The following PTTG1IP2 variants were observed in gnomAD, a reference collection of about 807,000 sequenced individuals.
PTTG1IP2 encodes the protein PTTG1IP family member 2.
chr7:90,497,715 T>TAAA (rs1261744146), intron 6 of PTTG1IP2, among the ~76,000 whole-genome samples: 35 of 56,228 alleles, frequency 6.2e-4, no homozygotes, highest in African/African-American at 7.8e-4. Flanking sequence ...AGACCCTGTA[T>TAAA]AAAAAAAAAA....
chr7:90,498,623 C>T (rs1798024978), intron 6 of PTTG1IP2, among the ~76,000 whole-genome samples: 3 of 152,146 alleles, frequency 2.0e-5, no homozygotes, highest in African/African-American at 7.2e-5. Context: ...ATTGTGAAAG[C>T]CTTTTTTACA....
intron 1 of PTTG1IP2, among the ~76,000 whole-genome samples, chr7:90,473,424 C>G (rs1472164600): frequency 6.6e-6 from 1 of 152,154 alleles, no homozygotes; most frequent in Non-Finnish European, 1.5e-5. Context: ...CAGTCACACC[C>G]TAGTGCCAGG....
At chr7:90,501,003 C>A (rs1292341550) in intron 6 of PTTG1IP2, among the ~76,000 whole-genome samples, 3 of 152,258 alleles carry the variant, frequency 2.0e-5, no homozygotes, top group East Asian at 1.9e-4. Context: ...TTTCTTTAGA[C>A]CCTAAGTAAA....
intron 2 of PTTG1IP2, among the ~76,000 whole-genome samples, chr7:90,480,848 A>G (rs932906103): frequency 7.9e-5 from 12 of 152,024 alleles, no homozygotes; most frequent in African/African-American, 7.2e-5. Flanking sequence ...AGATTGTCCT[A>G]TTTGGTTTCT....
In PTTG1IP2 at chr7:90,474,357, G is replaced by C. The variant is rs376162754; in HGVS notation, c.145+4426G>C. Reference sequence around the variant, plus strand: ...AGTTATAGAGATATATATTATGACAGTGCTGGAAAACAACATGAGAGCCAG... The same window carrying C: ...AGTTATAGAGATATATATTATGACACTGCTGGAAAACAACATGAGAGCCAG... On this transcript the variant is annotated intron_variant, in intron 1 of 6. Transcript: ENST00000509356. 7.2e-5 allele frequency among the ~76,000 whole-genome samples: 11 copies of C among 152,316 alleles called. No individual in the cohort carries two copies. In the East Asian group the frequency reaches 1.5e-3, roughly 21 times the overall value.
Position 90,497,371 on chromosome 7 carries a change from T to C in PTTG1IP2, c.*50+2941T>C, listed in dbSNP as rs569978440. ...CGAGGTCAGGAGATCGAGACCATCC[T>C]GGCTAACATGGTGAAACCCCGTCTC... On this transcript the variant is annotated intron_variant, in intron 6 of 6. Coordinates refer to ENST00000509356, the MANE Select transcript of PTTG1IP2 (RefSeq NM_001365443.2). Among the ~76,000 whole-genome samples, 35 of 152,196 alleles carry C rather than the reference T, an allele frequency of 2.3e-4. No individual in the cohort carries two copies. The East Asian group carries it at 5.6e-3, about 24-fold the overall frequency.
chr7:90,507,982 G>T (rs182694952), intron 6 of PTTG1IP2, among the ~76,000 whole-genome samples: 101 of 152,140 alleles, frequency 6.6e-4, no homozygotes, highest in Non-Finnish European at 1.1e-3. Flanking sequence ...ATCAGACTGG[G>T]CACAATAGCT....
At chr7:90,508,751 C>T (rs1798153593) in intron 6 of PTTG1IP2, among the ~76,000 whole-genome samples, 1 of 152,152 alleles carries the variant, frequency 6.6e-6, no homozygotes, top group Non-Finnish European at 1.5e-5. Flanking sequence ...GGAAACTAAG[C>T]CTTTATATTG....
chr7:90,492,923 C>T (rs1797954760), intron 5 of PTTG1IP2, among the ~76,000 whole-genome samples: 1 of 152,066 alleles, frequency 6.6e-6, no homozygotes, highest in South Asian at 2.1e-4. Context: ...TTCCCTTATC[C>T]AGGACTCAAA....
chr7:90,483,382 A>C (rs2116064896), intron 2 of PTTG1IP2, among the ~76,000 whole-genome samples: 1 of 152,202 alleles, frequency 6.6e-6, no homozygotes, highest in East Asian at 1.9e-4. Flanking sequence ...TCTGAGGTGA[A>C]TCCCTTAGTC....
chr7:90,493,152 G>A (rs1011699120), intron 5 of PTTG1IP2, among the ~76,000 whole-genome samples: 9 of 151,910 alleles, frequency 5.9e-5, no homozygotes, highest in South Asian at 2.1e-4. Context: ...TGCAGGGTGC[G>A]GGGGGGCTTC....
chr7:90,490,335 T>C (rs910299997), intron 4 of PTTG1IP2, among the ~76,000 whole-genome samples: 1 of 150,264 alleles, frequency 6.7e-6, no homozygotes, highest in Non-Finnish European at 1.5e-5. Flanking sequence ...GTAAATAAGA[T>C]AGACGTGACC....
At chr7:90,502,232 C>T (rs1460511808) in intron 6 of PTTG1IP2, among the ~76,000 whole-genome samples, 2 of 152,336 alleles carry the variant, frequency 1.3e-5, no homozygotes, top group East Asian at 3.9e-4. Flanking sequence ...GATTCTCCCA[C>T]CTCAAATGAT....
intron 2 of PTTG1IP2, among the ~76,000 whole-genome samples, chr7:90,487,081 G>T (rs1206176987): frequency 1.3e-5 from 2 of 152,166 alleles, no homozygotes; most frequent in Non-Finnish European, 2.9e-5. Context: ...GGGCTAGGTG[G>T]TCCCTATCGT....
chr7:90,513,197 A>C (rs1261343736), intron 6 of PTTG1IP2, 81 bp from the exon 7 acceptor site: 1 of 152,626 alleles, frequency 6.6e-6, no homozygotes, highest in Non-Finnish European at 1.5e-5. Flanking sequence ...CCTTGAACTT[A>C]AGCTTTCTAG....
At chr7:90,489,396 AT>A (rs896234944) in intron 4 of PTTG1IP2, among the ~76,000 whole-genome samples, 2 of 151,414 alleles carry the variant, frequency 1.3e-5, no homozygotes, top group Non-Finnish European at 3.0e-5. Context: ...GGTTGTTACT[AT>A]TTTTTTCATT....
At chr7:90,510,754 C>T (rs1798179861) in intron 6 of PTTG1IP2, among the ~76,000 whole-genome samples, 1 of 152,098 alleles carries the variant, frequency 6.6e-6, no homozygotes, top group Admixed American at 6.6e-5. Context: ...AATTATTCAC[C>T]GAGGAGATGG....
At chr7:90,478,805 T>C (rs567050647) in intron 1 of PTTG1IP2, among the ~76,000 whole-genome samples, 63 of 150,752 alleles carry the variant, frequency 4.2e-4, no homozygotes, top group African/African-American at 1.5e-3. Context: ...TAAAGCTTTG[T>C]GGCAAAAAAA....
chr7:90,494,035 T>G (rs1584696874), intron 5 of PTTG1IP2: 1 of 152,362 alleles, frequency 6.6e-6, no homozygotes, highest in East Asian at 1.9e-4. Flanking sequence ...TGGTCCACAC[T>G]TCTTTCCTAG....
Sources: allele counts gnomAD v4.1 joint callset (sites outside exome capture counted in the v4.1 genomes callset), GRCh38; gene constraint gnomAD v4.1.1; transcripts MANE v1.5; gene names NCBI Gene and HGNC (gene_info 2026-07-23, HGNC 2026-07-21).